Variants in NADK observed in about 807,000 individuals in gnomAD.
NADK encodes the protein NAD kinase.
A neutral mutation model predicts 49.8 loss-of-function variants in NADK; 22 were observed. The ratio of observed to expected loss-of-function variants is 0.44; its 90% CI spans 0.32 to 0.63. The LOEUF (loss-of-function observed/expected upper bound fraction) is 0.63. Among genes scored for constraint, NADK ranks in the 30% least tolerant of loss-of-function variants. NADK has a pLI of 0.06. For missense variants in NADK, 438 were observed against 609.4 expected (o/e 0.72, Z 2.96); for synonymous variants, 268 against 253.7 (o/e 1.06, Z -0.54).
At chr1:1,759,582 G>A (rs1645648712) in intron 3 of NADK, among the ~76,000 whole-genome samples, 1 of 152,224 alleles carries the variant, frequency 6.6e-6, no homozygotes, top group Admixed American at 6.5e-5. Flanking sequence ...CAGGGAAGAC[G>A]GAAGTTCAGA....
chr1:1,755,293 T>C, intron 7 of NADK, 81 bp downstream of exon 7: 3 of 993,772 alleles, frequency 3.0e-6, no homozygotes, highest in African/African-American at 1.6e-5. Flanking sequence ...CATCATTAAA[T>C]GAAAATAAAC....
At position 1,774,942 on chromosome 1, in the gene NADK, C is replaced by T. The variant is rs184954744; in HGVS notation, c.-41+3347G>A. On this transcript the variant is annotated intron_variant, in intron 1 of 11. Coordinates refer to ENST00000341426, the MANE Select transcript of NADK (RefSeq NM_023018.5). The stretch of plus-strand genomic sequence containing the variant: ...CCAAGATGGTGAAACTCCGTCTCTA[C>T]TAAAAATACAAAAAAAATTAGCTGG... Among the ~76,000 whole-genome samples, 259 of 152,064 alleles carry T rather than the reference C, an allele frequency of 1.7e-3. 1 individual carries two copies. The highest frequency in any genetic ancestry group is 6.0e-3 in the African/African-American group (247 of 41,496).
intron 1 of NADK, among the ~76,000 whole-genome samples, chr1:1,775,105 C>T (rs2100388716): frequency 6.6e-6 from 1 of 150,724 alleles, no homozygotes; most frequent in African/African-American, 2.4e-5. Flanking sequence ...TGAGACTCCG[C>T]CTCAAAGAAA....
chr1:1,776,029 GCCTC>G (rs1473454737), intron 1 of NADK, among the ~76,000 whole-genome samples: 2 of 152,218 alleles, frequency 1.3e-5, no homozygotes, highest in East Asian at 3.9e-4. Context: ...CCATGACACA[GCCTC>G]CCCCCAAGTG....
At chr1:1,757,006 G>T in intron 4 of NADK, 175 bp downstream of exon 4, 3 of 1,055,646 alleles carry the variant, frequency 2.8e-6, no homozygotes, top group Non-Finnish European at 4.3e-6. Flanking sequence ...GCTTGCCATG[G>T]CGGCACACAC....
rs762116409 is a variant in NADK, at chr1:1,759,794, G to C, written c.263+2158C>G. The C allele has an allele frequency of 3.9e-6, 6 of 1,555,616 alleles. No homozygotes were observed. The African/African-American group carries it at 8.2e-5, about 21-fold the overall frequency. On this transcript the variant is annotated intron_variant, in intron 3 of 11. Transcript: ENST00000341426. ...CTCGGGGACCACTGAGTACGCCCTGGTCTGAGGGCTGAGGCAGAACATGCA... is the reference window on the plus strand; with the variant it reads ...CTCGGGGACCACTGAGTACGCCCTGCTCTGAGGGCTGAGGCAGAACATGCA...
At chr1:1,762,974 G>A (rs1180665253) in intron 2 of NADK, among the ~76,000 whole-genome samples, 1 of 152,190 alleles carries the variant, frequency 6.6e-6, no homozygotes, top group Non-Finnish European at 1.5e-5. Context: ...GTGCCCGGGA[G>A]CCTCCCAGTC....
At chr1:1,773,678 G>GTT (rs1430852086) in intron 1 of NADK, among the ~76,000 whole-genome samples, 1 of 20,320 alleles carries the variant, frequency 4.9e-5, no homozygotes, top group Admixed American at 5.5e-4. Context: ...GCTCTATTTT[G>GTT]TGTGTGTGTG....
intron 6 of NADK, chr1:1,755,914 A>G: frequency 2.1e-6 from 1 of 479,620 alleles, no homozygotes. Flanking sequence ...CTACAGCCCC[A>G]GGGGAGAGCT....
At chr1:1,763,975 G>C (rs1448068176) in intron 2 of NADK, among the ~76,000 whole-genome samples, 2 of 152,234 alleles carry the variant, frequency 1.3e-5, no homozygotes, top group African/African-American at 2.4e-5. Flanking sequence ...TGGAGGTACA[G>C]GACAACGACC....
chr1:1,752,382 A>G lies in NADK; in HGVS notation c.*522T>C, dbSNP rs1476738766. ...CGCATCCAACCCTCTCCAGAAACTG[A>G]GCAGAACAAAACCGCCTTGCCAGCC... is the stretch of plus-strand genomic sequence containing the variant. On this transcript the variant is annotated 3_prime_UTR_variant, in exon 12 of 12. Coordinates refer to ENST00000341426, the MANE Select transcript of NADK (RefSeq NM_023018.5). 1 of 153,094 alleles carries G rather than the reference A, an allele frequency of 6.5e-6. No homozygotes were observed. 9.5% of individuals were successfully genotyped at this position (153,094 alleles called of 1,614,324 possible). A position where few individuals can be genotyped will look rare whatever the true frequency, so the allele number is the denominator to read the frequency against.
intron 10 of NADK, 69 bp downstream of exon 10, chr1:1,753,982 G>C: frequency 4.0e-6 from 6 of 1,507,402 alleles, no homozygotes; most frequent in Admixed American, 4.3e-5. Context: ...CGGGGTGCTA[G>C]GTCCCGGCTT....
In NADK at chr1:1,752,268, T is replaced by C. The variant is rs1415633480; in HGVS notation, c.*636A>G. 1 of 152,650 alleles carries C rather than the reference T, an allele frequency of 6.6e-6. No individual in the cohort carries two copies. The highest frequency in any genetic ancestry group is 1.5e-5 in the Non-Finnish European group (1 of 68,062). The allele number at this position is 152,650 out of a possible 1,614,324, so 9.5% of individuals were successfully genotyped here. On this transcript the variant is annotated 3_prime_UTR_variant, in exon 12 of 12. Coordinates refer to ENST00000341426, the MANE Select transcript of NADK (RefSeq NM_023018.5). ...GGGAGCAGAAGCTACGTGAGGAATG[T>C]GTGGGTCGCTGGCGATGCCAGCCCC...
In NADK at chr1:1,770,783, T is replaced by G. The variant is rs1180880027; in HGVS notation, c.-40-5337A>C. 2.0e-5 allele frequency among the ~76,000 whole-genome samples: 3 copies of G among 152,142 alleles called. No individual in the cohort carries two copies. The East Asian group carries it at 5.8e-4, about 29-fold the overall frequency. On this transcript the variant is annotated intron_variant, in intron 1 of 11. Transcript: ENST00000341426. ...ATAATTTACAGCTGGGTGTGGTGGC[T>G]CACGCCTGTAATCCCAACACTGGGA... is the stretch of plus-strand genomic sequence containing the variant.
rs1645519810 is a variant in NADK, at chr1:1,756,305, AGAT to A, written c.535_537del (p.Ile179del). 6.2e-7 allele frequency: 1 copy of A among 1,614,056 alleles called. No individual in the cohort carries two copies. Among genetic ancestry groups the A allele is most frequent in the Non-Finnish European group, 8.5e-7 (1 of 1,180,032 alleles). ...AGCAGCGTCCCGTCTCCCCCCAGGC[AGAT>A]GATGAAGTCTATCTGATTGGAAATG... On this transcript the variant is annotated inframe_deletion, in exon 6 of 12. Transcript: ENST00000341426.
chr1:1,754,884 T>C lies in NADK; in HGVS notation c.689-186A>G. ...TCACCCAGGCTGGAATGCAGTGGTGTGATCTTGGCTCACTGCAACCTCTGC... is the reference window on the plus strand; with the variant it reads ...TCACCCAGGCTGGAATGCAGTGGTGCGATCTTGGCTCACTGCAACCTCTGC... On this transcript the variant is annotated intron_variant, in intron 7 of 11. Transcript: ENST00000341426. This position sits in a 1 kb window ranked among gnomAD's most constrained non-coding sequence, Gnocchi z 4.3. 5.2e-6 allele frequency: 3 copies of C among 579,778 alleles called. No homozygotes were observed. Among genetic ancestry groups the C allele is most frequent in the South Asian group, 2.3e-5 (1 of 42,622 alleles). The allele number at this position is 579,778 out of a possible 1,614,324, so 35.9% of individuals were successfully genotyped here.
At position 1,754,013 on chromosome 1, in the gene NADK, G is replaced by T; in HGVS notation, c.1101+38C>A. 1.3e-6 allele frequency: 2 copies of T among 1,538,780 alleles called. No individual in the cohort carries two copies. Among genetic ancestry groups the T allele is most frequent in the South Asian group, 1.2e-5 (1 of 80,388 alleles). Reference sequence around the variant, plus strand: ...GGCTTTGTGTTGCACGGGGTCAAATGACTCACAAACCGGAAAAGGAGTGTC... The same window carrying T: ...GGCTTTGTGTTGCACGGGGTCAAATTACTCACAAACCGGAAAAGGAGTGTC... On this transcript the variant is annotated intron_variant, in intron 10 of 11. Transcript: ENST00000341426. The surrounding 1 kb of genome is among the most constrained non-coding windows in gnomAD (Gnocchi z 4.3).
intron 4 of NADK, 100 bp from the exon 5 acceptor site, chr1:1,756,708 G>T (rs1179647593): frequency 1.3e-6 from 2 of 1,587,978 alleles, no homozygotes; most frequent in Non-Finnish European, 1.7e-6. Context: ...ACCTGGCATC[G>T]TGGCCTGCAT....
Position 1,754,401 on chromosome 1 carries a change from T to A in NADK, c.844-18A>T. ...TTCAGGACCTGGAGGGGCGACAGCA[T>A]TGCACACTCAGGGCGGGGGATGCCG... On this transcript the variant is annotated intron_variant, in intron 8 of 11. Transcript: ENST00000341426. This position sits in a 1 kb window ranked among gnomAD's most constrained non-coding sequence, Gnocchi z 4.3. The A allele has an allele frequency of 6.2e-7, 1 of 1,612,818 alleles. No individual in the cohort carries two copies. Among genetic ancestry groups the A allele is most frequent in the Non-Finnish European group, 8.5e-7 (1 of 1,179,074 alleles).
Sources: allele counts gnomAD v4.1 joint callset (sites outside exome capture counted in the v4.1 genomes callset), GRCh38; gene constraint gnomAD v4.1.1; non-coding constraint Gnocchi (gnomAD v3.1); transcripts MANE v1.5; gene names NCBI Gene and HGNC (gene_info 2026-07-23, HGNC 2026-07-21).